Variants in NEO1 observed in about 807,000 individuals in gnomAD.
The protein encoded by NEO1 is neogenin.
A neutral mutation model predicts 159.7 loss-of-function variants in NEO1; 63 were observed. That is an observed-to-expected ratio of 0.39 (90% confidence interval 0.32 to 0.49). NEO1 has a LOEUF of 0.49. Ranked by LOEUF, NEO1 falls within the 20% of genes least tolerant of loss-of-function variation. NEO1 has a pLI of 0.85. For missense variants in NEO1, 1,615 were observed against 1,831.0 expected (o/e 0.88, Z 2.15); for synonymous variants, 633 against 662.0 (o/e 0.96, Z 0.67).
intron 1 of NEO1, among the ~76,000 whole-genome samples, chr15:73,063,939 A>G (rs997494473): frequency 6.6e-6 from 1 of 152,186 alleles, no homozygotes; most frequent in Non-Finnish European, 1.5e-5. Context: ...TGTTGTGGGC[A>G]TCTTTTATGA....
chr15:73,209,178 T>C (rs1009403206), intron 7 of NEO1, among the ~76,000 whole-genome samples: 2 of 152,230 alleles, frequency 1.3e-5, no homozygotes, highest in Non-Finnish European at 2.9e-5. Flanking sequence ...ATATGTCTTT[T>C]CTTATACTTC....
In NEO1 at chr15:73,116,547, C is replaced by G. The variant is rs2071330863; in HGVS notation, c.138C>G (p.Ser46Arg). 4 of 1,518,522 alleles carry G rather than the reference C, an allele frequency of 2.6e-6. No homozygotes were observed. The highest frequency in any genetic ancestry group is 1.4e-5 in the African/African-American group (1 of 71,406). 94.1% of individuals were successfully genotyped at this position (1,518,522 alleles called of 1,614,324 possible). Reference sequence around the variant, plus strand: ...TTTTCTTTATTTTTGTAGGAGCCAGCATTCGAACGTTCACTCCATTTTATT... The same window carrying G: ...TTTTCTTTATTTTTGTAGGAGCCAGGATTCGAACGTTCACTCCATTTTATT... Reference protein sequence around the residue: ...SGSAPQSPGASIRTFTPFYFL... With the variant: ...SGSAPQSPGARIRTFTPFYFL... The change falls in exon 2 of 29, where the codon AGC becomes AGG. Residue 46 changes from serine (S) to arginine (R), a missense_variant. Around this residue, in one of 3 missense-constraint regions of NEO1, gnomAD observed 1,018 missense variants for 1,115.4 expected, o/e 0.91. Transcript: ENST00000261908.
intron 1 of NEO1, among the ~76,000 whole-genome samples, chr15:73,054,030 A>G (rs1031028612): frequency 2.0e-5 from 3 of 152,256 alleles, no homozygotes; most frequent in African/African-American, 7.2e-5. Flanking sequence ...TTCTCTAAAC[A>G]GCTACGTAAA....
Position 73,178,393 on chromosome 15 carries a change from A to G in NEO1, c.1257A>G (p.Ala419=). 2 of 1,613,874 alleles carry G rather than the reference A, an allele frequency of 1.2e-6. No individual in the cohort carries two copies. Among genetic ancestry groups the G allele is most frequent in the East Asian group, 4.5e-5 (2 of 44,820 alleles). Residue 419 remains alanine, a synonymous_variant, in exon 7 of 29, where the codon GCA becomes GCG. Coordinates refer to ENST00000261908, the MANE Select transcript of NEO1 (RefSeq NM_002499.4). Reference sequence around the variant, plus strand: ...TTGCTGAAAATGATGTTGGAAATGCACAAGCTGGAGCCCAACTGATAATCC... The same window carrying G: ...TTGCTGAAAATGATGTTGGAAATGCGCAAGCTGGAGCCCAACTGATAATCC... ...QCIAENDVGN[A]QAGAQLIILE... is the part of the protein sequence containing the mutation.
At chr15:73,244,753 C>A (rs545753019) in intron 9 of NEO1, among the ~76,000 whole-genome samples, 1 of 151,888 alleles carries the variant, frequency 6.6e-6, no homozygotes, top group Non-Finnish European at 1.5e-5. Context: ...GTTTTTTAGA[C>A]CAGCCTGGCC....
chr15:73,250,035 A>G (rs2039994561), intron 11 of NEO1, among the ~76,000 whole-genome samples: 1 of 152,200 alleles, frequency 6.6e-6, no homozygotes, highest in African/African-American at 2.4e-5. Context: ...TGTTCATAAC[A>G]CAGACCATTC....
At chr15:73,277,046 A>T (rs1181688677) in intron 21 of NEO1, among the ~76,000 whole-genome samples, 3 of 152,222 alleles carry the variant, frequency 2.0e-5, no homozygotes, top group Non-Finnish European at 4.4e-5. Context: ...TGTGAAGTGG[A>T]TACCATTATT....
chr15:73,069,835 G>GT (rs2068449264), intron 1 of NEO1, among the ~76,000 whole-genome samples: 1 of 152,106 alleles, frequency 6.6e-6, no homozygotes, highest in African/African-American at 2.4e-5. Context: ...AGACAGAAAA[G>GT]TAGAGGCATT....
rs188616744 is a variant in NEO1, at chr15:73,140,190, C to A, written c.1015+4163C>A. On this transcript the variant is annotated intron_variant, in intron 5 of 28. Coordinates refer to ENST00000261908, the MANE Select transcript of NEO1 (RefSeq NM_002499.4). The stretch of plus-strand genomic sequence containing the variant: ...TGGTTAGGATGAAAACCACTGGGGA[C>A]TCTAATGTACTGTTGACAGGAGTAT... Among the ~76,000 whole-genome samples the A allele has an allele frequency of 5.3e-4, 80 of 152,278 alleles. 1 individual carries two copies. The highest frequency in any genetic ancestry group is 4.6e-3 in the Admixed American group (70 of 15,292).
chr15:73,273,024 G>A (rs1204482571), intron 19 of NEO1, among the ~76,000 whole-genome samples: 7 of 144,604 alleles, frequency 4.8e-5, no homozygotes, highest in East Asian at 2.1e-4. Context: ...ACTGCCCCCC[G>A]AGACCTGCTA....
chr15:73,227,551 C>T (rs1022197063), intron 7 of NEO1, among the ~76,000 whole-genome samples: 1 of 152,136 alleles, frequency 6.6e-6, no homozygotes, highest in Non-Finnish European at 1.5e-5. Flanking sequence ...GGAACTTCCA[C>T]GGAACAATTC....
At chr15:73,192,634 A>G (rs2036299605) in intron 7 of NEO1, among the ~76,000 whole-genome samples, 1 of 152,150 alleles carries the variant, frequency 6.6e-6, no homozygotes, top group African/African-American at 2.4e-5. Context: ...AGTTAAATAC[A>G]GAATAGAGTG....
chr15:73,272,175 A>G (rs2041204790), intron 18 of NEO1, among the ~76,000 whole-genome samples: 1 of 152,184 alleles, frequency 6.6e-6, no homozygotes, highest in Non-Finnish European at 1.5e-5. Flanking sequence ...ACTTGGTACA[A>G]ATGCCACTTG....
intron 26 of NEO1, among the ~76,000 whole-genome samples, chr15:73,295,295 G>C (rs886737866): frequency 6.6e-6 from 1 of 151,656 alleles, no homozygotes; most frequent in Admixed American, 6.6e-5. Context: ...TAGAACAGAG[G>C]ACCAGAAAGC....
chr15:73,077,440 T>C (rs969018969), intron 1 of NEO1, among the ~76,000 whole-genome samples: 8 of 152,228 alleles, frequency 5.3e-5, no homozygotes, highest in Non-Finnish European at 1.0e-4. Flanking sequence ...TAAAGGCCTG[T>C]TTCACAGAGA....
At position 73,282,999 on chromosome 15, in the gene NEO1, C is replaced by G. The variant is rs953683920; in HGVS notation, c.3298C>G (p.Leu1100Val). The G allele has an allele frequency of 3.1e-6, 5 of 1,614,206 alleles. No individual in the cohort carries two copies. The highest frequency in any genetic ancestry group is 4.2e-6 in the Non-Finnish European group (5 of 1,180,038). ...CCCTCATGGGAGCCCCACCTCTCCT[C>G]TGGACAGTAATATGCTGCTGGTCAT... ...NSPHGSPTSP[L>V]DSNMLLVIIV... The change falls in exon 23 of 29, where the codon CTG becomes GTG. Residue 1100 changes from leucine to valine, a missense_variant. Transcript: ENST00000261908.
At chr15:73,172,458 A>C (rs28582318) in intron 5 of NEO1, among the ~76,000 whole-genome samples, 13,907 of 152,224 alleles carry the variant, frequency 0.091, 832 homozygotes, top group African/African-American at 0.16. Context: ...TAAAGTTATA[A>C]ATCATTGGCT....
intron 5 of NEO1, among the ~76,000 whole-genome samples, chr15:73,138,752 T>C (rs936868871): frequency 3.2e-5 from 4 of 123,872 alleles, no homozygotes; most frequent in African/African-American, 1.7e-4. Context: ...CGAGACTCCG[T>C]CTCAAAAAAA....
intron 6 of NEO1, 140 bp downstream of exon 6, chr15:73,176,697 C>A: frequency 1.7e-6 from 1 of 580,614 alleles, no homozygotes; most frequent in Non-Finnish European, 2.7e-6. Flanking sequence ...GAATGTAATA[C>A]CTTCATTGGC....
Sources: allele counts gnomAD v4.1 joint callset (sites outside exome capture counted in the v4.1 genomes callset), GRCh38; gene constraint gnomAD v4.1.1; regional missense constraint gnomAD v4.1.1; transcripts MANE v1.5; gene names NCBI Gene and HGNC (gene_info 2026-07-23, HGNC 2026-07-21).